HEXD: variants seen among roughly 807,000 people sequenced by gnomAD.
HEXD encodes N-acetyl-beta-galactosaminidase.
HEXD carries 47 observed loss-of-function variants against 54.2 expected under a neutral mutation model. That is an observed-to-expected ratio of 0.87 (90% confidence interval 0.69 to 1.11). The LOEUF (loss-of-function observed/expected upper bound fraction) is 1.11, where lower values mean the gene tolerates loss of function less well. Ranked by LOEUF, HEXD falls within the 50% of genes least tolerant of loss-of-function variation. The probability of loss-of-function intolerance (pLI) is 0.00; values close to 1 mark genes in which losing one functional copy is unlikely to be tolerated. For missense variants in HEXD, 576 were observed against 649.2 expected (o/e 0.89, Z 1.23); for synonymous variants, 293 against 287.6 (o/e 1.02, Z -0.19).
chr17:82,423,116 C>A (rs1203509260), intron 2 of HEXD, among the ~76,000 whole-genome samples: 1 of 152,132 alleles, frequency 6.6e-6, no homozygotes, highest in African/African-American at 2.4e-5. Context: ...GAAGATCCAA[C>A]TTACACACAG....
At chr17:82,429,324 A>T (rs1022704367) in intron 4 of HEXD, among the ~76,000 whole-genome samples, 5 of 152,134 alleles carry the variant, frequency 3.3e-5, no homozygotes, top group Admixed American at 2.0e-4. Flanking sequence ...ATGCGGCATT[A>T]ACCACCACAC....
intron 4 of HEXD, among the ~76,000 whole-genome samples, chr17:82,432,193 G>C (rs1307270396): frequency 6.6e-6 from 1 of 152,188 alleles, no homozygotes; most frequent in East Asian, 1.9e-4. Flanking sequence ...CCCTAGGTTC[G>C]CGCAGTTCCC....
chr17:82,426,190 G>A (rs1327337431), intron 3 of HEXD: 1 of 152,438 alleles, frequency 6.6e-6, no homozygotes, highest in Non-Finnish European at 1.5e-5. Context: ...TACAGGCCTG[G>A]ACGGGAGGGG....
At chr17:82,440,038 A>C (rs2053884692) in intron 9 of HEXD, 1 of 1,320,838 alleles carries the variant, frequency 7.6e-7, no homozygotes, top group South Asian at 1.3e-5. Context: ...CGTCCTGCCC[A>C]CCTGGCCGAG....
chr17:82,437,227 T>G lies in HEXD; in HGVS notation c.763T>G (p.Phe255Val), dbSNP rs369568869. ...TCCGCAGCTGTGGGCAGCCAGTGCC[T>G]TCAAGGGTGCCACGGGGCCCAGCCA... ...GFPQLWAASA[F>V]KGATGPSQAV... The change falls in exon 8 of 13, where the codon TTC (phenylalanine) becomes GTC (valine). Residue 255 changes from phenylalanine (F) to valine (V), a missense_variant. Transcript: ENST00000327949. 7.5e-6 allele frequency: 12 copies of G among 1,609,882 alleles called. No individual in the cohort carries two copies. In the African/African-American group the frequency reaches 1.3e-4, roughly 18 times the overall value.
At chr17:82,440,232 G>T in intron 9 of HEXD, 1 of 1,289,232 alleles carries the variant, frequency 7.8e-7, no homozygotes, top group Non-Finnish European at 1.0e-6. Context: ...AGGCCACACG[G>T]GAAATTAGCG....
chr17:82,420,403 C>T (rs1459843315), intron 2 of HEXD: 1 of 152,334 alleles, frequency 6.6e-6, no homozygotes, highest in Middle Eastern at 3.1e-3. Flanking sequence ...TGCCACGAAC[C>T]CCAGGATGCC....
chr17:82,435,956 G>T (rs2053749831), intron 6 of HEXD, 84 bp downstream of exon 6: 7 of 1,413,336 alleles, frequency 5.0e-6, no homozygotes, highest in Middle Eastern at 2.5e-4. Flanking sequence ...GCTGTAGGAA[G>T]TGGGCCCCAG....
Position 82,442,292 on chromosome 17 carries a change from C to T in HEXD, c.1369C>T (p.Arg457Trp), listed in dbSNP as rs555601038. Residue 457 changes from arginine (R) to tryptophan (W), a missense_variant, in exon 13 of 13, where the codon CGG becomes TGG. Arg to Trp is a moderately radical substitution (Grantham distance 101, BLOSUM62 -3). Coordinates refer to ENST00000327949, the MANE Select transcript of HEXD (RefSeq NM_001330542.2). This position sits in a 1 kb window ranked among gnomAD's most constrained non-coding sequence, Gnocchi z 6.8. ...GGAAAACGTGCACCCCAGCCTGCAG[C>T]GGCTGCAAGCTCTGCTGCAGGACCT... Reference protein sequence around the residue: ...LEENVHPSLQRLQALLQDLSE... With the variant: ...LEENVHPSLQWLQALLQDLSE... 25 of 1,608,406 alleles carry T rather than the reference C, an allele frequency of 1.6e-5. No homozygotes were observed. The highest frequency in any genetic ancestry group is 4.5e-5 in the East Asian group (2 of 44,886).
chr17:82,442,287 T>C lies in HEXD; in HGVS notation c.1364T>C (p.Leu455Pro). Residue 455 changes from leucine to proline, a missense_variant, in exon 13 of 13, where the codon CTG (leucine) becomes CCG (proline). Coordinates refer to ENST00000327949, the MANE Select transcript of HEXD (RefSeq NM_001330542.2). The surrounding 1 kb of genome is among the most constrained non-coding windows in gnomAD (Gnocchi z 6.8). ...EWLEENVHPS[L>P]QRLQALLQDL... ...CTGGAGGAAAACGTGCACCCCAGCC[T>C]GCAGCGGCTGCAAGCTCTGCTGCAG... 6.2e-7 allele frequency: 1 copy of C among 1,608,140 alleles called. No individual in the cohort carries two copies. Among genetic ancestry groups the C allele is most frequent in the Non-Finnish European group, 8.5e-7 (1 of 1,179,924 alleles).
At chr17:82,433,091 A>AAATATATAT (rs1555617647) in intron 4 of HEXD, among the ~76,000 whole-genome samples, 1 of 13,234 alleles carries the variant, frequency 7.6e-5, no homozygotes, top group Non-Finnish European at 1.0e-4. Flanking sequence ...AAAAAAAAAA[A>AAATATATAT]ATATATATAT....
At chr17:82,439,276 AG>A (rs933741928) in intron 8 of HEXD, among the ~76,000 whole-genome samples, 11 of 152,188 alleles carry the variant, frequency 7.2e-5, no homozygotes, top group Non-Finnish European at 1.2e-4. Context: ...CGTCAAGGGC[AG>A]CCCCCAGAAG....
At chr17:82,422,838 C>T (rs1208654343) in intron 2 of HEXD, among the ~76,000 whole-genome samples, 3 of 152,112 alleles carry the variant, frequency 2.0e-5, no homozygotes, top group Non-Finnish European at 2.9e-5. Context: ...GGGTGGATCA[C>T]CTGAGGTCAG....
intron 3 of HEXD, 59 bp downstream of exon 3, chr17:82,424,562 C>T (rs1052358756): frequency 7.9e-6 from 10 of 1,258,136 alleles, no homozygotes; most frequent in African/African-American, 2.9e-5. Context: ...GGGGGGGTTC[C>T]GCAGGGCAGG....
chr17:82,437,991 C>G (rs2053821248), intron 8 of HEXD, among the ~76,000 whole-genome samples: 1 of 152,202 alleles, frequency 6.6e-6, no homozygotes, highest in African/African-American at 2.4e-5. Flanking sequence ...TATCCCAGCA[C>G]TCTGGGAGGC....
At chr17:82,425,138 G>GGGCTA (rs2053369143) in intron 3 of HEXD, among the ~76,000 whole-genome samples, 1 of 147,248 alleles carries the variant, frequency 6.8e-6, no homozygotes, top group African/African-American at 2.5e-5. Context: ...AGAGAAGGCT[G>GGGCTA]GAGAAGGCTG....
intron 8 of HEXD, among the ~76,000 whole-genome samples, chr17:82,438,301 C>T (rs1015785721): frequency 6.6e-6 from 1 of 152,140 alleles, no homozygotes; most frequent in Non-Finnish European, 1.5e-5. Context: ...CAGTGTGTAG[C>T]CTATGGAAGC....
In HEXD at chr17:82,442,467, G is replaced by A. The variant is rs563605433; in HGVS notation, c.*83G>A. On this transcript the variant is annotated 3_prime_UTR_variant, in exon 13 of 13. Coordinates refer to ENST00000327949, the MANE Select transcript of HEXD (RefSeq NM_001330542.2). This position sits in a 1 kb window ranked among gnomAD's most constrained non-coding sequence, Gnocchi z 6.8. ...AATGGCCTGGGCAATACGGGCCCAC[G>A]TGGGCGTCGTGCCCTCTGGCCCAGC... The A allele has an allele frequency of 1.1e-5, 17 of 1,607,508 alleles. No individual in the cohort carries two copies. Among genetic ancestry groups the A allele is most frequent in the Middle Eastern group, 1.7e-4 (1 of 6,048 alleles).
intron 2 of HEXD, 117 bp downstream of exon 2, chr17:82,420,000 G>A (rs926273577): frequency 8.7e-6 from 4 of 459,988 alleles, no homozygotes; most frequent in African/African-American, 8.2e-5. Context: ...GGTTCTCGGT[G>A]GAGCAAGATG....
Sources: gnomAD v4.1 joint callset for allele counts (sites outside exome capture counted in the v4.1 genomes callset) on GRCh38, gnomAD v4.1.1 for gene constraint, Gnocchi (gnomAD v3.1) non-coding constraint, MANE v1.5 for transcripts, NCBI Gene and HGNC (gene_info 2026-07-23, HGNC 2026-07-21) for gene names.